Variants in BRCA2 observed in about 807,000 individuals in gnomAD.
BRCA2 encodes the protein BRCA2 DNA repair associated, also known as breast cancer type 2 susceptibility protein.
A neutral mutation model predicts 276.7 loss-of-function variants in BRCA2; 203 were observed. The ratio of observed to expected loss-of-function variants is 0.73; its 90% CI spans 0.65 to 0.82. The LOEUF (loss-of-function observed/expected upper bound fraction) is 0.82, where lower values mean the gene tolerates loss of function less well. Ranked by LOEUF, BRCA2 falls within the 40% of genes least tolerant of loss-of-function variation. The pLI, the probability that BRCA2 is intolerant of heterozygous loss-of-function variation, is 0.00. For synonymous variants in BRCA2, 1,289 were observed against 1,338.4 expected, an observed-to-expected ratio of 0.96 and a Z score of 0.81; for missense variants, 3,920 against 3,915.0, an observed-to-expected ratio of 1.00 and a Z score of -0.03.
At chr13:32,347,956 A>T (rs1431577559) in intron 13 of BRCA2, among the ~76,000 whole-genome samples, 1 of 152,238 alleles carries the variant, frequency 6.6e-6, no homozygotes, top group Non-Finnish European at 1.5e-5. Flanking sequence ...AAACATAGTC[A>T]CCAAAGTACA....
At chr13:32,355,973 C>A (rs2072691291) in intron 14 of BRCA2, among the ~76,000 whole-genome samples, 2 of 151,610 alleles carry the variant, frequency 1.3e-5, no homozygotes, top group Non-Finnish European at 2.9e-5. Context: ...AAAGGGGTAC[C>A]CTTTTTAGAG....
In BRCA2 at chr13:32,354,886, C is replaced by G. The variant is rs886040685; in HGVS notation, c.7033C>G (p.Gln2345Glu). The change falls in exon 14 of 27, where the codon CAG (glutamine) becomes GAG (glutamate). Residue 2345 changes from glutamine (Q) to glutamate (E), a missense_variant. Transcript: ENST00000380152. ...FRTTKERQEI[Q>E]NPNFTAPGQE... ...CACAACTAAGGAACGTCAAGAGATA[C>G]AGAATCCAAATTTTACCGCACCTGG... The G allele has an allele frequency of 6.2e-7, 1 of 1,609,810 alleles. No individual in the cohort carries two copies. Among genetic ancestry groups the G allele is most frequent in the Non-Finnish European group, 8.5e-7 (1 of 1,176,192 alleles).
rs1555283935 is a variant in BRCA2 at position 32,339,144 on chromosome 13, T to G, written c.4789T>G (p.Ser1597Ala). 1 of 1,613,844 alleles carries G rather than the reference T, an allele frequency of 6.2e-7. No homozygotes were observed. The highest frequency in any genetic ancestry group is 1.3e-5 in the African/African-American group (1 of 74,912). ...AAPKCKEMQN[S>A]LNNDKNLVSI... ...CCCAAAGTGTAAAGAAATGCAGAAT[T>G]CTCTCAATAATGATAAAAACCTTGT... The change falls in exon 11 of 27, where the codon TCT becomes GCT. Residue 1597 changes from serine to alanine, a missense_variant. By Grantham distance (99) the Ser-to-Ala change is moderately conservative. Coordinates refer to ENST00000380152, the MANE Select transcript of BRCA2 (RefSeq NM_000059.4).
chr13:32,340,945 CTG>C lies in BRCA2; in HGVS notation c.6591_6592del (p.Glu2198AsnfsTer4), dbSNP rs80359605. ...AACGTAAAAATGGAAATTGGTAAAACTGAAACTTTTTCTGATGTTCCTGTGAA... is the reference window on the plus strand; with the variant it reads ...AACGTAAAAATGGAAATTGGTAAAACAAACTTTTTCTGATGTTCCTGTGAA... On this transcript the variant is annotated frameshift_variant, in exon 11 of 27. Coordinates refer to ENST00000380152, the MANE Select transcript of BRCA2 (RefSeq NM_000059.4). LOFTEE classifies it high-confidence loss of function. 4 of 1,609,760 alleles carry C rather than the reference CTG, an allele frequency of 2.5e-6. No individual in the cohort carries two copies. Among genetic ancestry groups the C allele is most frequent in the South Asian group, 1.1e-5 (1 of 89,512 alleles).
At chr13:32,372,162 T>C (rs1196291864) in intron 20 of BRCA2, among the ~76,000 whole-genome samples, 1 of 152,226 alleles carries the variant, frequency 6.6e-6, no homozygotes, top group East Asian at 1.9e-4. Flanking sequence ...TAGAACTGCT[T>C]TCATAATTGG....
In BRCA2 at chr13:32,339,458, A is replaced by G. The variant is rs878853587; in HGVS notation, c.5103A>G (p.Gln1701=). ...KWLREGIFDG[Q]PERINTADYV... ...TTAGAGAAGGAATATTTGATGGTCA[A>G]CCAGAAAGAATAAATACTGCAGATT... is the stretch of plus-strand genomic sequence containing the variant. The change falls in exon 11 of 27, where the codon CAA becomes CAG. Residue 1701 remains glutamine (Q), a synonymous_variant. Transcript: ENST00000380152. The G allele has an allele frequency of 1.3e-6, 2 of 1,588,058 alleles. No homozygotes were observed. The highest frequency in any genetic ancestry group is 2.2e-5 in the East Asian group (1 of 44,574).
chr13:32,331,095 G>A (rs1253006401), intron 9 of BRCA2, 65 bp downstream of exon 9: 1 of 1,117,922 alleles, frequency 8.9e-7, no homozygotes, highest in Non-Finnish European at 1.3e-6. Flanking sequence ...TTTTTTTTTT[G>A]AGGTGGAGTC....
In BRCA2 at chr13:32,319,119, C is replaced by T. The variant is rs886040346; in HGVS notation, c.110C>T (p.Ser37Leu). Residue 37 changes from serine to leucine, a missense_variant, in exon 3 of 27, where the codon TCA becomes TTA. Coordinates refer to ENST00000380152, the MANE Select transcript of BRCA2 (RefSeq NM_000059.4). ...ISLNWFEELS[S>L]EAPPYNSEPA... ...CTTAATTGGTTTGAAGAACTTTCTT[C>T]AGAAGCTCCACCCTATAATTCTGAA... 1 of 1,613,358 alleles carries T rather than the reference C, an allele frequency of 6.2e-7. No homozygotes were observed. The highest frequency in any genetic ancestry group is 1.1e-5 in the South Asian group (1 of 91,062).
chr13:32,355,829 G>A (rs1222462286), intron 14 of BRCA2, among the ~76,000 whole-genome samples: 4 of 151,802 alleles, frequency 2.6e-5, no homozygotes, highest in Admixed American at 2.0e-4. Context: ...GCAGTGAGCC[G>A]AGATCGCGCC....
At chr13:32,316,152 T>C (rs1412486459) in intron 1 of BRCA2, among the ~76,000 whole-genome samples, 1 of 152,202 alleles carries the variant, frequency 6.6e-6, no homozygotes, top group Admixed American at 6.5e-5. Flanking sequence ...TAGCCACGCG[T>C]CACTGGTTAG....
Position 32,333,295 on chromosome 13 carries a change from C to T in BRCA2, c.1817C>T (p.Pro606Leu), listed in dbSNP as rs80358469. The T allele has an allele frequency of 1.4e-5, 23 of 1,604,796 alleles. No individual in the cohort carries two copies. The highest frequency in any genetic ancestry group is 2.7e-5 in the African/African-American group (2 of 74,010). The part of the protein sequence containing the change: ...DETSYKGKKI[P>L]KDQKSELINC... ...ACATCTTATAAAGGAAAAAAAATAC[C>T]GAAAGACCAAAAATCAGAACTAATT... The change falls in exon 10 of 27, where the codon CCG becomes CTG. Residue 606 changes from proline (P) to leucine (L), a missense_variant. Pro to Leu is a moderately conservative substitution (Grantham distance 98). Coordinates refer to ENST00000380152, the MANE Select transcript of BRCA2 (RefSeq NM_000059.4).
rs1022984972 is a variant in BRCA2 at position 32,399,603 on chromosome 13, T to A, written c.*833T>A. 8 of 179,318 alleles carry A rather than the reference T, an allele frequency of 4.5e-5. No homozygotes were observed. Among genetic ancestry groups the A allele is most frequent in the Admixed American group, 3.8e-4 (6 of 15,906 alleles). 11.1% of individuals were successfully genotyped at this position (179,318 alleles called of 1,614,324 possible). A position where few individuals can be genotyped will look rare whatever the true frequency, so the allele number is the denominator to read the frequency against. On this transcript the variant is annotated 3_prime_UTR_variant, in exon 27 of 27. Coordinates refer to ENST00000380152, the MANE Select transcript of BRCA2 (RefSeq NM_000059.4). ...AGAAGATTTCATAGTTAATTTATTTTTTTTTTCAACAAAATGGTCATCCAA... is the reference window on the plus strand; with the variant it reads ...AGAAGATTTCATAGTTAATTTATTTATTTTTTCAACAAAATGGTCATCCAA...
chr13:32,317,809 G>A (rs2072274712), intron 2 of BRCA2, among the ~76,000 whole-genome samples: 1 of 152,200 alleles, frequency 6.6e-6, no homozygotes, highest in Admixed American at 6.5e-5. Context: ...TGATTTGTGA[G>A]AAAATGTCTA....
At chr13:32,356,702 G>T in intron 15 of BRCA2, 93 bp downstream of exon 15, 3 of 1,375,234 alleles carry the variant, frequency 2.2e-6, no homozygotes, top group South Asian at 2.4e-5. Context: ...TTTAAAGAAT[G>T]AACACATTAG....
chr13:32,384,798 G>A (rs1278849850), intron 24 of BRCA2: 1 of 269,222 alleles, frequency 3.7e-6, no homozygotes, highest in South Asian at 7.6e-5. Context: ...TGGGTTTCTA[G>A]ACTAAATACA....
intron 18 of BRCA2, among the ~76,000 whole-genome samples, chr13:32,365,009 T>C (rs772328700): frequency 6.6e-6 from 1 of 151,938 alleles, no homozygotes; most frequent in South Asian, 2.1e-4. Flanking sequence ...TAGGGTAAGG[T>C]TGGCTGGATA....
At chr13:32,386,482 A>T (rs2137637500) in intron 24 of BRCA2, among the ~76,000 whole-genome samples, 1 of 152,054 alleles carries the variant, frequency 6.6e-6, no homozygotes, top group East Asian at 1.9e-4. Flanking sequence ...CACTGTAATG[A>T]TGTAATTATT....
chr13:32,385,434 T>G, intron 24 of BRCA2: 2 of 212,000 alleles, frequency 9.4e-6, no homozygotes, highest in Non-Finnish European at 2.0e-5. Flanking sequence ...GATATGTCTT[T>G]GGATATGTCT....
At chr13:32,318,977 A>C (rs2072282984) in intron 2 of BRCA2, 100 bp from the exon 3 acceptor site, 1 of 1,477,006 alleles carries the variant, frequency 6.8e-7, no homozygotes, top group African/African-American at 1.4e-5. Context: ...ATCCATAGTC[A>C]AGATCTTAAG....
Sources: gnomAD v4.1 joint callset for allele counts (sites outside exome capture counted in the v4.1 genomes callset) on GRCh38, gnomAD v4.1.1 for gene constraint, MANE v1.5 for transcripts, NCBI Gene and HGNC (gene_info 2026-07-23, HGNC 2026-07-21) for gene names.